The following TMPRSS6 variants were observed in gnomAD, a reference collection of about 807,000 sequenced individuals.
The protein encoded by TMPRSS6 is transmembrane serine protease 6, also known as transmembrane protease serine 6.
A neutral mutation model predicts 101.5 loss-of-function variants in TMPRSS6; 67 were observed. The observed-to-expected ratio is 0.66, with a 90% CI of 0.54 to 0.81. TMPRSS6 has a LOEUF of 0.81. Ranked by LOEUF, TMPRSS6 falls within the 30% of genes least tolerant of loss-of-function variation. The probability of loss-of-function intolerance (pLI) is 0.00; values close to 1 mark genes in which losing one functional copy is unlikely to be tolerated. For synonymous variants in TMPRSS6, 453 were observed against 464.9 expected, an observed-to-expected ratio of 0.97 and a Z score of 0.33; for missense variants, 1,034 against 1,088.7, an observed-to-expected ratio of 0.95 and a Z score of 0.71.
upstream of TMPRSS6, among the ~76,000 whole-genome samples, chr22:37,109,760 C>T (rs561625925): frequency 2.0e-5 from 3 of 152,332 alleles, no homozygotes; most frequent in East Asian, 3.9e-4. Flanking sequence ...GTGCCTGCCC[C>T]GCCCCATCTT....
chr22:37,105,791 T>C (rs1930678589), intron 1 of TMPRSS6, among the ~76,000 whole-genome samples: 1 of 152,130 alleles, frequency 6.6e-6, no homozygotes. Context: ...CACCTCAGCC[T>C]CCCAAGTAGC....
At chr22:37,106,879 T>C (rs1012659550) in intron 1 of TMPRSS6, among the ~76,000 whole-genome samples, 1 of 152,166 alleles carries the variant, frequency 6.6e-6, no homozygotes, top group Admixed American at 6.5e-5. Flanking sequence ...CCAGGCGACC[T>C]GCCAGGCACT....
chr22:37,097,810 C>G (rs111276378), intron 3 of TMPRSS6, among the ~76,000 whole-genome samples: 58 of 98,724 alleles, frequency 5.9e-4, no homozygotes, highest in East Asian at 1.7e-3. Flanking sequence ...AACGGAGGGG[C>G]AGGAGCGGCC....
At position 37,073,768 on chromosome 22, in the gene TMPRSS6, A is replaced by G. The variant is rs538349248; in HGVS notation, c.1442-123T>C. ...CCAATCACAAATCTCTTTCTCTGCTACTTTATTTTTATGTCTCGCTCTTGT... is the reference window on the plus strand; with the variant it reads ...CCAATCACAAATCTCTTTCTCTGCTGCTTTATTTTTATGTCTCGCTCTTGT... On this transcript the variant is annotated intron_variant, in intron 12 of 17. Coordinates refer to ENST00000676104, the MANE Select transcript of TMPRSS6 (RefSeq NM_001374504.1). 1.4e-4 allele frequency: 106 copies of G among 747,544 alleles called. 3 individuals are homozygous for G. The South Asian group carries it at 1.5e-3, about 10-fold the overall frequency. 46.3% of individuals were successfully genotyped at this position (747,544 alleles called of 1,614,324 possible).
At chr22:37,109,167 G>C (rs1427866153) in intron 1 of TMPRSS6, among the ~76,000 whole-genome samples, 1 of 152,126 alleles carries the variant, frequency 6.6e-6, no homozygotes, top group African/African-American at 2.4e-5. Context: ...GGGTGTGGAG[G>C]GGGCAGCATG....
rs753807976 is a variant in TMPRSS6 at position 37,084,309 on chromosome 22, C to T, written c.1182G>A (p.Thr394=). The T allele has an allele frequency of 6.2e-6, 10 of 1,613,404 alleles. No individual in the cohort carries two copies. The highest frequency in any genetic ancestry group is 2.2e-5 in the South Asian group (2 of 90,934). ...GGAAGTGGTACCTCCTGTTCTGGAT[C>T]GTCCACTGGCCCTGGGTGCACGGCA... ...YDLPCTQGQW[T]IQNRRLCGLR... The change falls in exon 10 of 18, where the codon ACG becomes ACA. Residue 394 remains threonine (T), a synonymous_variant. Coordinates refer to ENST00000676104, the MANE Select transcript of TMPRSS6 (RefSeq NM_001374504.1).
At chr22:37,107,519 C>A (rs1930787720) in intron 1 of TMPRSS6, among the ~76,000 whole-genome samples, 1 of 150,664 alleles carries the variant, frequency 6.6e-6, no homozygotes, top group Admixed American at 6.6e-5. Context: ...ATCATCCAGG[C>A]CACCGTCATC....
intron 7 of TMPRSS6, 82 bp from the exon 8 acceptor site, chr22:37,086,501 A>G (rs984666176): frequency 2.2e-6 from 2 of 914,994 alleles, no homozygotes; most frequent in Non-Finnish European, 3.3e-6. Flanking sequence ...CTGCTGGGGG[A>G]GGGTGGACGG....
chr22:37,097,235 A>T (rs1275230193), intron 3 of TMPRSS6, among the ~76,000 whole-genome samples: 1 of 152,180 alleles, frequency 6.6e-6, no homozygotes, highest in Non-Finnish European at 1.5e-5. Flanking sequence ...CTCATGGAGG[A>T]GGAAACGGGC....
At chr22:37,079,912 G>A (rs560697470) in intron 10 of TMPRSS6, among the ~76,000 whole-genome samples, 13 of 152,372 alleles carry the variant, frequency 8.5e-5, no homozygotes, top group African/African-American at 1.2e-4. Context: ...CTAGCGCTCC[G>A]GAGAACACAA....
At chr22:37,077,741 A>G (rs1215152557) in intron 10 of TMPRSS6, among the ~76,000 whole-genome samples, 3 of 152,258 alleles carry the variant, frequency 2.0e-5, no homozygotes, top group Non-Finnish European at 4.4e-5. Context: ...ATTTATATTC[A>G]AATGTGTAAT....
chr22:37,086,994 A>G (rs568135530), intron 7 of TMPRSS6, among the ~76,000 whole-genome samples: 3 of 152,276 alleles, frequency 2.0e-5, no homozygotes, highest in African/African-American at 7.2e-5. Context: ...CCCTGAAAAG[A>G]CTGGTGACAC....
Position 37,084,306 on chromosome 22 carries a change from G to A in TMPRSS6, c.1185C>T (p.Ile395=). Residue 395 remains isoleucine (I), a synonymous_variant, in exon 10 of 18, where the codon ATC becomes ATT. Coordinates refer to ENST00000676104, the MANE Select transcript of TMPRSS6 (RefSeq NM_001374504.1). ...DLPCTQGQWT[I]QNRRLCGLRI... is the part of the protein sequence containing the mutation. Reference sequence around the variant, plus strand: ...AGAGGAAGTGGTACCTCCTGTTCTGGATCGTCCACTGGCCCTGGGTGCACG... The same window carrying A: ...AGAGGAAGTGGTACCTCCTGTTCTGAATCGTCCACTGGCCCTGGGTGCACG... 3 of 1,613,418 alleles carry A rather than the reference G, an allele frequency of 1.9e-6. No individual in the cohort carries two copies. Among genetic ancestry groups the A allele is most frequent in the South Asian group, 1.1e-5 (1 of 90,898 alleles).
At chr22:37,096,532 G>T in intron 4 of TMPRSS6, 116 bp downstream of exon 4, 1 of 1,179,108 alleles carries the variant, frequency 8.5e-7, no homozygotes, top group Non-Finnish European at 1.2e-6. Context: ...CCCTCTCTAT[G>T]CCTTAGTTTC....
At chr22:37,066,996 G>A in intron 16 of TMPRSS6, 34 bp from the exon 17 acceptor site, 1 of 1,613,796 alleles carries the variant, frequency 6.2e-7, no homozygotes, top group Non-Finnish European at 8.5e-7. Flanking sequence ...TGAGATCTCA[G>A]GAGCCTGGAG....
At position 37,065,993 on chromosome 22, in the gene TMPRSS6, C is replaced by G; in HGVS notation, c.*87G>C. ...AGGGCCTGCTCTCTCCCCCACCCCCCGCCAGAATACTTGTCCCCCTGCTTG... is the reference window on the plus strand; with the variant it reads ...AGGGCCTGCTCTCTCCCCCACCCCCGGCCAGAATACTTGTCCCCCTGCTTG... On this transcript the variant is annotated 3_prime_UTR_variant, in exon 18 of 18. Transcript: ENST00000676104. The G allele has an allele frequency of 6.3e-7, 1 of 1,580,564 alleles. No individual in the cohort carries two copies. Among genetic ancestry groups the G allele is most frequent in the Non-Finnish European group, 8.7e-7 (1 of 1,153,872 alleles).
chr22:37,070,455 T>C, intron 15 of TMPRSS6, 29 bp downstream of exon 15: 1 of 1,613,030 alleles, frequency 6.2e-7, no homozygotes, highest in Non-Finnish European at 8.5e-7. Flanking sequence ...TGTCTCTTAC[T>C]GCCTAGGCCC....
At chr22:37,107,572 C>T (rs1415191803) in intron 1 of TMPRSS6, among the ~76,000 whole-genome samples, 1 of 151,970 alleles carries the variant, frequency 6.6e-6, no homozygotes, top group Non-Finnish European at 1.5e-5. Context: ...CACCCCCCTA[C>T]CCAGTGAGTT....
chr22:37,084,311 T>A lies in TMPRSS6; in HGVS notation c.1180A>T (p.Thr394Ser). ...YDLPCTQGQWTIQNRRLCGLR... is the reference protein window; with the variant it reads ...YDLPCTQGQWSIQNRRLCGLR... The stretch of plus-strand genomic sequence containing the variant: ...AAGTGGTACCTCCTGTTCTGGATCG[T>A]CCACTGGCCCTGGGTGCACGGCAAA... Residue 394 changes from threonine to serine, a missense_variant, in exon 10 of 18, where the codon ACG becomes TCG. Coordinates refer to ENST00000676104, the MANE Select transcript of TMPRSS6 (RefSeq NM_001374504.1). 1 of 1,613,570 alleles carries A rather than the reference T, an allele frequency of 6.2e-7. No individual in the cohort carries two copies. The highest frequency in any genetic ancestry group is 8.5e-7 in the Non-Finnish European group (1 of 1,179,744).
Sources: gnomAD v4.1 joint callset for allele counts (sites outside exome capture counted in the v4.1 genomes callset) on GRCh38, gnomAD v4.1.1 for gene constraint, MANE v1.5 for transcripts, NCBI Gene and HGNC (gene_info 2026-07-23, HGNC 2026-07-21) for gene names.